Variants in PRKAR1B observed in about 807,000 individuals in gnomAD.
PRKAR1B encodes protein kinase cAMP-dependent type I regulatory subunit beta.
A neutral mutation model predicts 46.5 loss-of-function variants in PRKAR1B; 22 were observed. The ratio of observed to expected loss-of-function variants is 0.47; its 90% CI spans 0.34 to 0.68. The LOEUF (loss-of-function observed/expected upper bound fraction) is 0.68. PRKAR1B is among the 30% of genes least tolerant of loss of function. The pLI is 0.01. For synonymous variants in PRKAR1B, 259 were observed against 217.7 expected, an observed-to-expected ratio of 1.19 and a Z score of -1.67; for missense variants, 445 against 535.6, an observed-to-expected ratio of 0.83 and a Z score of 1.67.
chr7:643,029 T>C (rs1330392401), intron 4 of PRKAR1B, among the ~76,000 whole-genome samples: 1 of 151,594 alleles, frequency 6.6e-6, no homozygotes, highest in Non-Finnish European at 1.5e-5. Context: ...CCTGGAATTC[T>C]GTGTACGGCA....
At chr7:608,740 C>CAGGGTTGTAGGG (rs1782282316) in intron 4 of PRKAR1B, among the ~76,000 whole-genome samples, 1 of 115,822 alleles carries the variant, frequency 8.6e-6, no homozygotes, top group Non-Finnish European at 1.8e-5. Context: ...CAGTGTGTGG[C>CAGGGTTGTAGGG]AGGGCTGTAG....
chr7:571,740 G>GCTCCA (rs1180913778), intron 9 of PRKAR1B, among the ~76,000 whole-genome samples: 2 of 152,186 alleles, frequency 1.3e-5, no homozygotes, highest in Non-Finnish European at 2.9e-5. Context: ...CAGGCGTGCG[G>GCTCCA]CCCCAGATGG....
chr7:718,255 TACACAC>T (rs35563369), intron 1 of PRKAR1B, among the ~76,000 whole-genome samples: 36,489 of 139,788 alleles, frequency 0.26, 4,851 homozygotes, highest in Middle Eastern at 0.29. Flanking sequence ...GCTTTATAGA[TACACAC>T]ACACACACAC....
At chr7:617,655 T>C (rs2128472164) in intron 4 of PRKAR1B, among the ~76,000 whole-genome samples, 2 of 152,292 alleles carry the variant, frequency 1.3e-5, no homozygotes, top group African/African-American at 4.8e-5. Context: ...ACTGTCACCC[T>C]GGTCCATTCC....
rs1785992746 is a variant in PRKAR1B, at chr7:667,382, ACT to A, written c.440+9845_440+9846del. On this transcript the variant is annotated intron_variant, in intron 4 of 10. Coordinates refer to ENST00000537384, the MANE Select transcript of PRKAR1B (RefSeq NM_001164760.2). The surrounding 1 kb of genome is among the most constrained non-coding windows in gnomAD (Gnocchi z 4.3). ...TTATTACTTATAAATGACATCCACA[ACT>A]CTCTCCTTCCAAAAGATGTTTTAAA... Among the ~76,000 whole-genome samples, 1 of 152,072 alleles carries A rather than the reference ACT, an allele frequency of 6.6e-6. No individual in the cohort carries two copies. Among genetic ancestry groups the A allele is most frequent in the African/African-American group, 2.4e-5 (1 of 41,392 alleles).
chr7:555,156 CG>C (rs1012317351), intron 9 of PRKAR1B, among the ~76,000 whole-genome samples: 1 of 152,228 alleles, frequency 6.6e-6, no homozygotes, highest in Admixed American at 6.5e-5. Flanking sequence ...GAGGGTCTCA[CG>C]CTTGCCCTAA....
Position 727,061 on chromosome 7 carries a change from TGCCGCGCCTGCTGCCCGCGCTC to T in PRKAR1B, c.-23+127_-23+148del, listed in dbSNP as rs912460897. On this transcript the variant is annotated intron_variant, in intron 1 of 10. Coordinates refer to ENST00000537384, the MANE Select transcript of PRKAR1B (RefSeq NM_001164760.2). ...CGCGCCGCGCGGCCCCGCGATGCCC[TGCCGCGCCTGCTGCCCGCGCTC>T]GCCGCGCGCTTGGCCGGCCCCGTGC... The T allele has an allele frequency of 2.8e-6, 3 of 1,063,494 alleles. No individual in the cohort carries two copies. The highest frequency in any genetic ancestry group is 3.4e-6 in the Non-Finnish European group (3 of 882,960). 65.9% of individuals were successfully genotyped at this position (1,063,494 alleles called of 1,614,324 possible).
chr7:658,146 C>T (rs1001031532), intron 4 of PRKAR1B, among the ~76,000 whole-genome samples: 5 of 152,080 alleles, frequency 3.3e-5, no homozygotes, highest in African/African-American at 1.2e-4. Flanking sequence ...CAAAAATTAG[C>T]AACTTGGCGG....
At chr7:698,743 T>A (rs1441368680) in intron 2 of PRKAR1B, among the ~76,000 whole-genome samples, 2 of 152,018 alleles carry the variant, frequency 1.3e-5, no homozygotes, top group Non-Finnish European at 2.9e-5. Context: ...TTAATGCATG[T>A]GCACACACGA....
chr7:580,848 C>G (rs1349259357), intron 8 of PRKAR1B, among the ~76,000 whole-genome samples: 1 of 151,730 alleles, frequency 6.6e-6, no homozygotes, highest in South Asian at 2.1e-4. Context: ...TATTTTACAT[C>G]TAGGTTAGGA....
intron 4 of PRKAR1B, among the ~76,000 whole-genome samples, chr7:660,258 C>T (rs528447098): frequency 1.3e-5 from 2 of 152,152 alleles, no homozygotes; most frequent in African/African-American, 4.8e-5. Flanking sequence ...CATGGGCCCA[C>T]CGAGTTCCCG....
At position 673,077 on chromosome 7, in the gene PRKAR1B, AAC is replaced by A. The variant is rs1162342531; in HGVS notation, c.440+4150_440+4151del. 8.1e-4 allele frequency among the ~76,000 whole-genome samples: 94 copies of A among 116,308 alleles called. 1 individual carries two copies. The highest frequency in any genetic ancestry group is 1.2e-3 in the Non-Finnish European group (70 of 57,904). The allele number at this position is 116,308 out of a possible 152,430, so 76.3% of individuals were successfully genotyped here. ...AAAAAAAAAAAAAAAAAAAAAAAAA[AAC>A]ACACACACACAGAATGGACAGCTGG... On this transcript the variant is annotated intron_variant, in intron 4 of 10. Coordinates refer to ENST00000537384, the MANE Select transcript of PRKAR1B (RefSeq NM_001164760.2).
chr7:578,975 C>A (rs934189797), intron 9 of PRKAR1B: 28 of 1,246,846 alleles, frequency 2.2e-5, no homozygotes, highest in Middle Eastern at 3.3e-4. Flanking sequence ...AGCCGCCGCG[C>A]CCGGCCAGTT....
intron 4 of PRKAR1B, among the ~76,000 whole-genome samples, chr7:637,398 A>C (rs1382061609): frequency 6.6e-6 from 1 of 150,872 alleles, no homozygotes; most frequent in East Asian, 2.0e-4. Context: ...GCCTGGGTGA[A>C]GGAGTAAGAC....
At chr7:699,150 T>G (rs1779927872) in intron 2 of PRKAR1B, among the ~76,000 whole-genome samples, 1 of 152,210 alleles carries the variant, frequency 6.6e-6, no homozygotes, top group South Asian at 2.1e-4. Context: ...GGGAAGGGTG[T>G]GGCCTCAGAG....
At chr7:624,834 T>C (rs1783299465) in intron 4 of PRKAR1B, among the ~76,000 whole-genome samples, 1 of 152,150 alleles carries the variant, frequency 6.6e-6, no homozygotes, top group African/African-American at 2.4e-5. Flanking sequence ...GTAATCTAGT[T>C]TGAAAAATTA....
intron 1 of PRKAR1B, among the ~76,000 whole-genome samples, chr7:722,597 C>G (rs1368708487): frequency 6.6e-6 from 1 of 151,962 alleles, no homozygotes; most frequent in Non-Finnish European, 1.5e-5. Flanking sequence ...GTTTCAAACT[C>G]CTGACCTCAG....
rs893667160 is a variant in PRKAR1B at position 644,645 on chromosome 7, G to A, written c.440+32584C>T. Among the ~76,000 whole-genome samples, 6 of 152,318 alleles carry A rather than the reference G, an allele frequency of 3.9e-5. No individual in the cohort carries two copies. Among genetic ancestry groups the A allele is most frequent in the African/African-American group, 7.2e-5 (3 of 41,576 alleles). ...CCGTTCTCAGCCTCAGCAGCTGAGCGTCCACCCCCAGGCCTCCGGACAGGG... is the reference window on the plus strand; with the variant it reads ...CCGTTCTCAGCCTCAGCAGCTGAGCATCCACCCCCAGGCCTCCGGACAGGG... On this transcript the variant is annotated intron_variant, in intron 4 of 10. Coordinates refer to ENST00000537384, the MANE Select transcript of PRKAR1B (RefSeq NM_001164760.2). This position sits in a 1 kb window ranked among gnomAD's most constrained non-coding sequence, Gnocchi z 4.9.
intron 4 of PRKAR1B, among the ~76,000 whole-genome samples, chr7:676,245 G>A (rs1786574831): frequency 6.6e-6 from 1 of 152,038 alleles, no homozygotes; most frequent in African/African-American, 2.4e-5. Context: ...TTCCAATTAT[G>A]TCTATGATCA....
Sources: allele counts gnomAD v4.1 joint callset (sites outside exome capture counted in the v4.1 genomes callset), GRCh38; gene constraint gnomAD v4.1.1; non-coding constraint Gnocchi (gnomAD v3.1); transcripts MANE v1.5; gene names NCBI Gene and HGNC (gene_info 2026-07-23, HGNC 2026-07-21).